Variants in TMEM145 observed in about 807,000 individuals in gnomAD.
The protein encoded by TMEM145 is transmembrane protein 145.
Under a neutral mutation model 68.5 loss-of-function variants are expected in TMEM145, and 46 were observed. The ratio of observed to expected loss-of-function variants is 0.67; its 90% CI spans 0.53 to 0.86. The LOEUF is 0.86. TMEM145 is among the 40% of genes least tolerant of loss of function. TMEM145 has a pLI of 0.00. For missense variants in TMEM145, 570 were observed against 645.8 expected, an observed-to-expected ratio of 0.88 and a Z score of 1.27; for synonymous variants, 255 against 280.2, an observed-to-expected ratio of 0.91 and a Z score of 0.90.
chr19:42,316,313 C>T (rs549162987), intron 8 of TMEM145, among the ~76,000 whole-genome samples, 168 bp from the exon 9 acceptor site: 60 of 148,236 alleles, frequency 4.0e-4, no homozygotes, highest in African/African-American at 1.5e-3. Context: ...CCTTGGGGAG[C>T]AGGGTTGGGG....
rs959898454 is a variant in TMEM145, at chr19:42,324,952, A to G, written c.*135A>G. 53 of 1,271,002 alleles carry G rather than the reference A, an allele frequency of 4.2e-5. No homozygotes were observed. Among genetic ancestry groups the G allele is most frequent in the Non-Finnish European group, 5.1e-5 (51 of 1,004,138 alleles). 78.7% of individuals were successfully genotyped at this position (1,271,002 alleles called of 1,614,324 possible). ...CCCTCCCTCGGATCTGTGACCTCGG[A>G]CCCGTACTCCATCTGCCGCATCTCC... On this transcript the variant is annotated 3_prime_UTR_variant, in exon 15 of 15. Transcript: ENST00000301204.
chr19:42,315,171 T>A lies in TMEM145; in HGVS notation c.506-17T>A. The A allele has an allele frequency of 6.2e-7, 1 of 1,612,406 alleles. No homozygotes were observed. The highest frequency in any genetic ancestry group is 8.5e-7 in the Non-Finnish European group (1 of 1,178,672). On this transcript the variant is annotated splice_polypyrimidine_tract_variant and intron_variant, in intron 6 of 14. Transcript: ENST00000301204. The stretch of plus-strand genomic sequence containing the variant: ...CATCCACCTGAATGAACCTTACTCC[T>A]CCTACCAAATCGGCAGGGATCCTGG...
chr19:42,318,004 C>T, intron 12 of TMEM145, 123 bp downstream of exon 12: 2 of 1,042,980 alleles, frequency 1.9e-6, no homozygotes, highest in South Asian at 3.0e-5. Context: ...CAGCTGTTGC[C>T]CAGAATCTGC....
rs147902081 is a variant in TMEM145, at chr19:42,323,778, C to T, written c.1390C>T (p.Pro464Ser). ...NFTELFSIPP[P>S]ATSPLPRAAP... is the part of the protein sequence containing the mutation. Reference sequence around the variant, plus strand: ...CACGGAGCTCTTCTCCATCCCCCCGCCCGCCACCTCCGTAAGCCCCGCGGC... The same window carrying T: ...CACGGAGCTCTTCTCCATCCCCCCGTCCGCCACCTCCGTAAGCCCCGCGGC... The change falls in exon 14 of 15, where the codon CCC becomes TCC. Residue 464 changes from proline (P) to serine (S), a missense_variant. Coordinates refer to ENST00000301204, the MANE Select transcript of TMEM145 (RefSeq NM_173633.3). 3.6e-4 allele frequency: 581 copies of T among 1,613,882 alleles called. 4 individuals carry two copies. The highest frequency in any genetic ancestry group is 4.6e-4 in the Non-Finnish European group (546 of 1,179,920).
rs13343761 is a variant in TMEM145 at position 42,320,926 on chromosome 19, G to A, written c.1194+489G>A. The A allele has an allele frequency of 7.5e-3, 3,007 of 398,438 alleles. 74 individuals carry two copies. Among genetic ancestry groups the A allele is most frequent in the African/African-American group, 0.052 (2,516 of 48,704 alleles). The allele number at this position is 398,438 out of a possible 1,614,324, so 24.7% of individuals were successfully genotyped here. A position where few individuals can be genotyped will look rare whatever the true frequency, so the allele number is the denominator to read the frequency against. On this transcript the variant is annotated intron_variant, in intron 13 of 14. Transcript: ENST00000301204. The stretch of plus-strand genomic sequence containing the variant: ...TTACAGGCATGGGCCACCTCGCCGG[G>A]CCCATGCCCATTTTCTTCTGTTCCC...
At chr19:42,316,453 C>T (rs199543916) in intron 8 of TMEM145, 28 bp from the exon 9 acceptor site, 3 of 1,609,166 alleles carry the variant, frequency 1.9e-6, no homozygotes, top group Admixed American at 1.7e-5. Flanking sequence ...GCTTTCTATC[C>T]TTTCTTATCT....
At chr19:42,317,043 C>T in intron 11 of TMEM145, 80 bp downstream of exon 11, 1 of 1,237,350 alleles carries the variant, frequency 8.1e-7, no homozygotes, top group Non-Finnish European at 1.2e-6. Context: ...TCTGCTCGCC[C>T]TTGCCCACAT....
chr19:42,323,931 C>G, intron 14 of TMEM145, 142 bp downstream of exon 14: 1 of 737,124 alleles, frequency 1.4e-6, no homozygotes, highest in Non-Finnish European at 2.1e-6. Context: ...CGCCCCAACA[C>G]CGCGCCGCGA....
At position 42,317,732 on chromosome 19, in the gene TMEM145, G is replaced by A; in HGVS notation, c.924G>A (p.Leu308=). The change falls in exon 12 of 15, where the codon CTG becomes CTA. Residue 308 remains leucine, a synonymous_variant. Coordinates refer to ENST00000301204, the MANE Select transcript of TMEM145 (RefSeq NM_173633.3). ...AGTTCTTTGACCCAGGCCAGGTACT[G>A]TACACGTATGAGTCGCCGGCCGGCT... ...EAEFFDPGQV[L]YTYESPAGYG... 6.2e-7 allele frequency: 1 copy of A among 1,614,206 alleles called. No individual in the cohort carries two copies.
intron 4 of TMEM145, 42 bp downstream of exon 4, chr19:42,314,741 G>A (rs2038837513): frequency 1.2e-6 from 2 of 1,613,994 alleles, no homozygotes; most frequent in Admixed American, 1.7e-5. Flanking sequence ...GCTGAAGGAT[G>A]AAGCCTTCGG....
intron 13 of TMEM145, among the ~76,000 whole-genome samples, chr19:42,322,838 G>A (rs1377947895): frequency 1.3e-5 from 2 of 151,994 alleles, no homozygotes; most frequent in Non-Finnish European, 2.9e-5. Context: ...AAGTAGCTGG[G>A]ATTACAGGCG....
rs561565303 is a variant in TMEM145 at position 42,320,302 on chromosome 19, A to G, written c.1074-15A>G. 5 of 1,613,556 alleles carry G rather than the reference A, an allele frequency of 3.1e-6. No individual in the cohort carries two copies. The South Asian group carries it at 5.5e-5, about 18-fold the overall frequency. ...CAGGAGCAGTGTCTCTACTGACCCA[A>G]TACTTCCCCTTCAGGTTCTTTGCGG... On this transcript the variant is annotated splice_polypyrimidine_tract_variant and intron_variant, in intron 12 of 14. Transcript: ENST00000301204.
In TMEM145 at chr19:42,315,405, C is replaced by G; in HGVS notation, c.611C>G (p.Thr204Ser). The G allele has an allele frequency of 6.2e-7, 1 of 1,614,188 alleles. No individual in the cohort carries two copies. The highest frequency in any genetic ancestry group is 8.5e-7 in the Non-Finnish European group (1 of 1,180,026). Residue 204 changes from threonine to serine, a missense_variant, in exon 8 of 15, where the codon ACT becomes AGT. Physicochemically the swap from Thr to Ser is moderately conservative, Grantham distance 58. Coordinates refer to ENST00000301204, the MANE Select transcript of TMEM145 (RefSeq NM_173633.3). Reference protein sequence around the residue: ...LLKGRQLLHTTYKMFMAAAGV... With the variant: ...LLKGRQLLHTSYKMFMAAAGV... ...AAAGGTCGTCAGTTGCTCCACACAA[C>G]TTATAAAATGTTCATGGCCGCAGCA...
chr19:42,323,951 G>A (rs899319673), intron 14 of TMEM145, among the ~76,000 whole-genome samples, 162 bp downstream of exon 14: 1 of 151,048 alleles, frequency 6.6e-6, no homozygotes, highest in Non-Finnish European at 1.5e-5. Flanking sequence ...ACCGTCCCCT[G>A]GCGCCCGCGC....
At position 42,314,467 on chromosome 19, in the gene TMEM145, A is replaced by G. The variant is rs1262708043; in HGVS notation, c.212A>G (p.Asn71Ser). 34 of 1,614,048 alleles carry G rather than the reference A, an allele frequency of 2.1e-5. No individual in the cohort carries two copies. Among genetic ancestry groups the G allele is most frequent in the Non-Finnish European group, 2.7e-5 (32 of 1,180,030 alleles). The change falls in exon 3 of 15, where the codon AAC becomes AGC. Residue 71 changes from asparagine to serine, a missense_variant. Coordinates refer to ENST00000301204, the MANE Select transcript of TMEM145 (RefSeq NM_173633.3). Reference protein sequence around the residue: ...FRYPEAKCCQNILLYFDDPSQ... With the variant: ...FRYPEAKCCQSILLYFDDPSQ... ...GGTCTGCAGGCCAAGTGCTGTCAGAACATCCTCCTCTATTTTGATGACCCA... is the reference window on the plus strand; with the variant it reads ...GGTCTGCAGGCCAAGTGCTGTCAGAGCATCCTCCTCTATTTTGATGACCCA...
In TMEM145 at chr19:42,316,983, G is replaced by A. The variant is rs1043872556; in HGVS notation, c.900+20G>A. 6.2e-7 allele frequency: 1 copy of A among 1,608,048 alleles called. No individual in the cohort carries two copies. The highest frequency in any genetic ancestry group is 8.5e-7 in the Non-Finnish European group (1 of 1,177,632). ...GCGGAAGTGAGTCCGACTGGCCCCT[G>A]GCCGGGCCCTGCCTTCCCCTGCTTT... is the stretch of plus-strand genomic sequence containing the variant. On this transcript the variant is annotated intron_variant, in intron 11 of 14. Coordinates refer to ENST00000301204, the MANE Select transcript of TMEM145 (RefSeq NM_173633.3).
chr19:42,318,785 T>TA (rs1197236049), intron 12 of TMEM145, among the ~76,000 whole-genome samples: 1 of 150,458 alleles, frequency 6.6e-6, no homozygotes, highest in Admixed American at 6.6e-5. Context: ...AAATGTTCAG[T>TA]AAAAAACTAT....
Position 42,324,866 on chromosome 19 carries a change from T to G in TMEM145, c.*49T>G. ...GTGGTGACCGCCGGGACCCTGCCTG[T>G]GACTCTCCAGGACTCTGCGACCCCG... On this transcript the variant is annotated 3_prime_UTR_variant, in exon 15 of 15. Transcript: ENST00000301204. 4 of 1,497,898 alleles carry G rather than the reference T, an allele frequency of 2.7e-6. No individual in the cohort carries two copies. Among genetic ancestry groups the G allele is most frequent in the Non-Finnish European group, 3.5e-6 (4 of 1,129,820 alleles). The allele number at this position is 1,497,898 out of a possible 1,614,324, so 92.8% of individuals were successfully genotyped here. A position where few individuals can be genotyped will look rare whatever the true frequency, so the allele number is the denominator to read the frequency against.
At position 42,323,776 on chromosome 19, in the gene TMEM145, C is replaced by T. The variant is rs770315155; in HGVS notation, c.1388C>T (p.Pro463Leu). ...TTCACGGAGCTCTTCTCCATCCCCC[C>T]GCCCGCCACCTCCGTAAGCCCCGCG... The part of the protein sequence containing the change: ...PNFTELFSIP[P>L]PATSPLPRAA... Residue 463 changes from proline to leucine, a missense_variant, in exon 14 of 15, where the codon CCG becomes CTG. Coordinates refer to ENST00000301204, the MANE Select transcript of TMEM145 (RefSeq NM_173633.3). 2 of 1,613,960 alleles carry T rather than the reference C, an allele frequency of 1.2e-6. No individual in the cohort carries two copies. Among genetic ancestry groups the T allele is most frequent in the East Asian group, 4.5e-5 (2 of 44,872 alleles).
Sources: gnomAD v4.1 joint callset for allele counts (sites outside exome capture counted in the v4.1 genomes callset) on GRCh38, gnomAD v4.1.1 for gene constraint, MANE v1.5 for transcripts, NCBI Gene and HGNC (gene_info 2026-07-23, HGNC 2026-07-21) for gene names.